Variants in DCAF12 observed in about 807,000 individuals in gnomAD.
DCAF12 encodes the protein DDB1 and CUL4 associated factor 12, also known as DDB1- and CUL4-associated factor 12.
DCAF12 carries 28 observed loss-of-function variants against 52.8 expected under a neutral mutation model. That is an observed-to-expected ratio of 0.53 (90% CI 0.39 to 0.73). The LOEUF (loss-of-function observed/expected upper bound fraction) is 0.73. Ranked by LOEUF, DCAF12 falls within the 30% of genes least tolerant of loss-of-function variation. DCAF12 has a pLI of 0.00. For missense variants in DCAF12, 425 were observed against 552.2 expected (o/e 0.77, Z 2.31); for synonymous variants, 196 against 215.5 (o/e 0.91, Z 0.79).
chr9:34,098,236 A>G (rs1828770005), intron 5 of DCAF12, 88 bp downstream of exon 5: 1 of 1,373,424 alleles, frequency 7.3e-7, no homozygotes, highest in Admixed American at 1.9e-5. Flanking sequence ...GCTATGTAGC[A>G]AGCACTGATG....
chr9:34,111,980 C>T (rs1436702625), intron 2 of DCAF12, among the ~76,000 whole-genome samples: 3 of 140,918 alleles, frequency 2.1e-5, no homozygotes, highest in African/African-American at 7.8e-5. Flanking sequence ...ACTAAAAATA[C>T]AAAAAAAAAA....
rs576977722 is a variant in DCAF12 at position 34,101,627 on chromosome 9, G to C, written c.602-3110C>G. ...GGCTGGTCTTGAACTCCTGACCTCA[G>C]GTGATCCACCCTCCTCAGCCTCCCA... On this transcript the variant is annotated intron_variant, in intron 4 of 8. Transcript: ENST00000361264. Among the ~76,000 whole-genome samples the C allele has an allele frequency of 2.7e-5, 4 of 148,772 alleles. No homozygotes were observed. The South Asian group carries it at 8.6e-4, about 32-fold the overall frequency.
At chr9:34,124,304 T>C (rs1057348672) in intron 2 of DCAF12, among the ~76,000 whole-genome samples, 15 of 152,234 alleles carry the variant, frequency 9.9e-5, no homozygotes, top group African/African-American at 2.9e-4. Flanking sequence ...TCTTTTCATT[T>C]GCCAGTCTTG....
At chr9:34,126,082 G>C (rs1206846417) in intron 1 of DCAF12, among the ~76,000 whole-genome samples, 2 of 152,148 alleles carry the variant, frequency 1.3e-5, no homozygotes, top group African/African-American at 4.8e-5. Context: ...CCAAAGCCAA[G>C]ATTCTGGTTT....
chr9:34,111,320 T>A (rs760867237), intron 2 of DCAF12, among the ~76,000 whole-genome samples: 1 of 152,140 alleles, frequency 6.6e-6, no homozygotes, highest in Non-Finnish European at 1.5e-5. Context: ...TGTACTTATC[T>A]TTCATGATTC....
At chr9:34,099,001 T>A (rs528370238) in intron 4 of DCAF12, among the ~76,000 whole-genome samples, 1 of 151,496 alleles carries the variant, frequency 6.6e-6, no homozygotes, top group South Asian at 2.1e-4. Context: ...AACTCCTGAG[T>A]TCCAGCGATC....
rs1415447837 is a variant in DCAF12 at position 34,126,516 on chromosome 9, CG to C, written c.-86del. 3.4e-6 allele frequency: 5 copies of C among 1,458,758 alleles called. No individual in the cohort carries two copies. The highest frequency in any genetic ancestry group is 4.6e-6 in the Non-Finnish European group (5 of 1,096,244). 90.4% of individuals were successfully genotyped at this position (1,458,758 alleles called of 1,614,324 possible). A position where few individuals can be genotyped will look rare whatever the true frequency, so the allele number is the denominator to read the frequency against. On this transcript the variant is annotated 5_prime_UTR_variant, in exon 1 of 9. Coordinates refer to ENST00000361264, the MANE Select transcript of DCAF12 (RefSeq NM_015397.4). The stretch of plus-strand genomic sequence containing the variant: ...GGACGGCGGGTCATATACTGGGCCC[CG>C]GGGCCGCGCACCTTAGTGCGCCCGG...
At chr9:34,095,764 G>T (rs985581368) in intron 6 of DCAF12, 10 of 152,124 alleles carry the variant, frequency 6.6e-5, no homozygotes, top group African/African-American at 1.9e-4. Flanking sequence ...TACCTTACAT[G>T]ATTATTTCAG....
At chr9:34,124,431 T>C (rs1219839226) in intron 2 of DCAF12, among the ~76,000 whole-genome samples, 1 of 152,244 alleles carries the variant, frequency 6.6e-6, no homozygotes, top group Non-Finnish European at 1.5e-5. Context: ...ACTTCATTCA[T>C]TTATAACTGT....
intron 7 of DCAF12, among the ~76,000 whole-genome samples, chr9:34,092,619 G>C (rs974340622): frequency 1.3e-5 from 2 of 151,592 alleles, no homozygotes; most frequent in African/African-American, 4.8e-5. Context: ...TCAGAAGGCA[G>C]AGGTTGCAGT....
At chr9:34,122,008 C>T (rs970622986) in intron 2 of DCAF12, among the ~76,000 whole-genome samples, 3 of 152,088 alleles carry the variant, frequency 2.0e-5, no homozygotes, top group Non-Finnish European at 4.4e-5. Flanking sequence ...TCTGTATTCT[C>T]CCGGTTTTCC....
intron 2 of DCAF12, among the ~76,000 whole-genome samples, chr9:34,124,674 G>T (rs1201856700): frequency 1.3e-5 from 2 of 152,056 alleles, no homozygotes; most frequent in Non-Finnish European, 2.9e-5. Flanking sequence ...CCTGAATGAT[G>T]CTCTAAGCAT....
Position 34,096,752 on chromosome 9 carries a change from G to A in DCAF12, c.825C>T (p.Tyr275=), listed in dbSNP as rs147681004. 7.8e-4 allele frequency: 1,263 copies of A among 1,614,070 alleles called. 1 individual carries two copies. Among genetic ancestry groups the A allele is most frequent in the Non-Finnish European group, 1.0e-3 (1,227 of 1,179,994 alleles). Residue 275 remains tyrosine (Y), a synonymous_variant, in exon 6 of 9, where the codon TAC becomes TAT. Coordinates refer to ENST00000361264, the MANE Select transcript of DCAF12 (RefSeq NM_015397.4). ...TATTTTCAGCCTTCCAGAGATGAAA[G>A]TAGCCATCCAGAGACACTGCTCCCA... ...KELGAVSLDG[Y]FHLWKAENTL...
intron 4 of DCAF12, among the ~76,000 whole-genome samples, chr9:34,105,527 T>C (rs778180106): frequency 2.0e-5 from 3 of 152,038 alleles, no homozygotes; most frequent in Non-Finnish European, 4.4e-5. Flanking sequence ...GTGCCTATAG[T>C]CCCAGCTACC....
intron 4 of DCAF12, among the ~76,000 whole-genome samples, chr9:34,105,836 C>A (rs1316663926): frequency 6.7e-6 from 1 of 148,686 alleles, no homozygotes; most frequent in Non-Finnish European, 1.5e-5. Flanking sequence ...GCAACCTCTG[C>A]CTGCCGGGTT....
intron 2 of DCAF12, among the ~76,000 whole-genome samples, chr9:34,121,511 G>C (rs949388190): frequency 7.9e-5 from 12 of 152,100 alleles, no homozygotes; most frequent in Non-Finnish European, 2.9e-5. Context: ...AACAGTCCCT[G>C]GTAGTCTTTG....
intron 2 of DCAF12, among the ~76,000 whole-genome samples, chr9:34,114,065 G>A (rs1341047247): frequency 6.6e-6 from 1 of 151,742 alleles, no homozygotes; most frequent in East Asian, 1.9e-4. Flanking sequence ...CCGAGATCAT[G>A]CCACTGCACT....
chr9:34,122,499 C>T lies in DCAF12; in HGVS notation c.333+2524G>A, dbSNP rs1423028475. On this transcript the variant is annotated intron_variant, in intron 2 of 8. Coordinates refer to ENST00000361264, the MANE Select transcript of DCAF12 (RefSeq NM_015397.4). Reference sequence around the variant, plus strand: ...TTTTTTTTTTTTTTTTTTTTTGAGACGGAGTCTCACTCTGTTGCCCAGGCT... The same window carrying T: ...TTTTTTTTTTTTTTTTTTTTTGAGATGGAGTCTCACTCTGTTGCCCAGGCT... 4.1e-5 allele frequency among the ~76,000 whole-genome samples: 5 copies of T among 122,114 alleles called. No individual in the cohort carries two copies. The East Asian group carries it at 7.2e-4, about 18-fold the overall frequency. 80.1% of individuals were successfully genotyped at this position (122,114 alleles called of 152,430 possible).
intron 2 of DCAF12, among the ~76,000 whole-genome samples, chr9:34,116,017 G>A (rs564364463): frequency 1.3e-5 from 2 of 152,162 alleles, no homozygotes; most frequent in South Asian, 2.1e-4. Context: ...TTCTTTTATT[G>A]AAATCCAGGG....
Sources: gnomAD v4.1 joint callset for allele counts (sites outside exome capture counted in the v4.1 genomes callset) on GRCh38, gnomAD v4.1.1 for gene constraint, MANE v1.5 for transcripts, NCBI Gene and HGNC (gene_info 2026-07-23, HGNC 2026-07-21) for gene names.